Variants in CEP70 observed in about 807,000 individuals in gnomAD.
CEP70 encodes centrosomal protein of 70 kDa.
CEP70 carries 70 observed loss-of-function variants against 90.9 expected under a neutral mutation model. The observed-to-expected ratio is 0.77, with a 90% CI of 0.64 to 0.94. The LOEUF (loss-of-function observed/expected upper bound fraction) is 0.94, where lower values mean the gene tolerates loss of function less well. Among genes scored for constraint, CEP70 ranks in the 40% least tolerant of loss-of-function variants. The pLI is 0.00. For synonymous variants in CEP70, 220 were observed against 228.3 expected (o/e 0.96, Z 0.33); for missense variants, 648 against 669.0 (o/e 0.97, Z 0.35).
At chr3:138,590,620 T>C (rs972701696) in intron 2 of CEP70, among the ~76,000 whole-genome samples, 2 of 150,638 alleles carry the variant, frequency 1.3e-5, no homozygotes, top group African/African-American at 4.9e-5. Flanking sequence ...GCCAACATGG[T>C]GATACCCCGT....
intron 2 of CEP70, among the ~76,000 whole-genome samples, chr3:138,591,105 A>C (rs1002827025): frequency 3.3e-5 from 5 of 152,202 alleles, no homozygotes; most frequent in African/African-American, 1.2e-4. Context: ...GAACGTTCCT[A>C]ATATGAATAT....
Position 138,554,653 on chromosome 3 carries a change from T to C in CEP70, c.465+15665A>G, listed in dbSNP as rs149925550. The stretch of plus-strand genomic sequence containing the variant: ...TACAAAATTAATGTACATAAATCAG[T>C]ATCTCTGCTATACACCAACAGTGAC... On this transcript the variant is annotated intron_variant, in intron 6 of 17. Transcript: ENST00000264982. Among the ~76,000 whole-genome samples the C allele has an allele frequency of 8.4e-3, 1,283 of 152,308 alleles. 11 individuals carry two copies. Among genetic ancestry groups the C allele is most frequent in the Non-Finnish European group, 0.011 (729 of 68,036 alleles).
Position 138,529,466 on chromosome 3 carries a change from T to C in CEP70, c.693-4A>G, listed in dbSNP as rs767872585. 4 of 1,563,410 alleles carry C rather than the reference T, an allele frequency of 2.6e-6. No homozygotes were observed. Among genetic ancestry groups the C allele is most frequent in the East Asian group, 4.5e-5 (2 of 44,528 alleles). ...ACTTTCATCTTCTTTATATTGCCTA[T>C]GAAAATATGTATGCAGTATACTTAT... On this transcript the variant is annotated splice_region_variant and splice_polypyrimidine_tract_variant and intron_variant, in intron 8 of 17. Coordinates refer to ENST00000264982, the MANE Select transcript of CEP70 (RefSeq NM_024491.4).
chr3:138,509,797 T>C (rs2035349413), intron 11 of CEP70, among the ~76,000 whole-genome samples: 1 of 152,188 alleles, frequency 6.6e-6, no homozygotes, highest in South Asian at 2.1e-4. Context: ...AGCTTATCCA[T>C]GCTGTAACTG....
intron 2 of CEP70, among the ~76,000 whole-genome samples, chr3:138,586,917 G>A (rs530405756): frequency 6.3e-4 from 96 of 152,040 alleles, no homozygotes; most frequent in Non-Finnish European, 8.5e-4. Context: ...ATATTATATG[G>A]TGTATCAAAA....
intron 6 of CEP70, among the ~76,000 whole-genome samples, chr3:138,565,711 C>T (rs944294769): frequency 6.6e-6 from 1 of 151,662 alleles, no homozygotes; most frequent in Non-Finnish European, 1.5e-5. Flanking sequence ...AACACTTAAA[C>T]CATAAAATCC....
intron 2 of CEP70, among the ~76,000 whole-genome samples, chr3:138,581,002 A>T (rs2041823191): frequency 6.6e-6 from 1 of 152,070 alleles, no homozygotes; most frequent in African/African-American, 2.4e-5. Context: ...AATAAAAAAC[A>T]GGCCGGGCAT....
intron 2 of CEP70, among the ~76,000 whole-genome samples, chr3:138,580,125 G>A (rs1477351763): frequency 1.3e-5 from 2 of 152,180 alleles, no homozygotes; most frequent in East Asian, 3.9e-4. Context: ...TTCTCTGCCT[G>A]GGGAAAGGGG....
intron 6 of CEP70, among the ~76,000 whole-genome samples, chr3:138,551,644 G>C (rs1326715673): frequency 6.6e-6 from 1 of 151,840 alleles, no homozygotes; most frequent in Non-Finnish European, 1.5e-5. Context: ...TACTCAGGAG[G>C]CTGAGGCAGG....
rs888704342 is a variant in CEP70 at position 138,537,256 on chromosome 3, T to C, written c.557A>G (p.Glu186Gly). ...QMEVCRLKKE[E>G]EDRIVTQNRV... ...GTTTTGAGTGACAATGCGATCTTCT[T>C]CCTCCTTTTTTAATCTACAGACTTC... The change falls in exon 7 of 18, where the codon GAA becomes GGA. Residue 186 changes from glutamate to glycine, a missense_variant. Transcript: ENST00000264982. 1.2e-5 allele frequency: 19 copies of C among 1,608,296 alleles called. No homozygotes were observed. The African/African-American group carries it at 2.5e-4, about 22-fold the overall frequency.
chr3:138,575,296 T>C (rs2041436070), intron 2 of CEP70, among the ~76,000 whole-genome samples: 1 of 152,156 alleles, frequency 6.6e-6, no homozygotes, highest in South Asian at 2.1e-4. Context: ...ACGAGAACTA[T>C]GTGACACATG....
At position 138,500,180 on chromosome 3, in the gene CEP70, GT is replaced by G; in HGVS notation, c.1581del (p.Lys527AsnfsTer5). On this transcript the variant is annotated frameshift_variant, in exon 16 of 18. Coordinates refer to ENST00000264982, the MANE Select transcript of CEP70 (RefSeq NM_024491.4). LOFTEE classifies it high-confidence loss of function. Reference sequence around the variant, plus strand: ...ACATCTTCATTAATCAGCCTACAGAGTTTTCCAACAGTGCTTACTAGCACAC... The same window carrying G: ...ACATCTTCATTAATCAGCCTACAGAGTTTCCAACAGTGCTTACTAGCACAC... ...SLCVLVSTVGKLCRLINEDVN... is the reference protein window; with the variant it reads ...SLCVLVSTVGXLCRLINEDVN... The G allele has an allele frequency of 6.2e-7, 1 of 1,613,810 alleles. No homozygotes were observed. Among genetic ancestry groups the G allele is most frequent in the Non-Finnish European group, 8.5e-7 (1 of 1,179,722 alleles).
chr3:138,524,765 C>T (rs978994089), intron 11 of CEP70, among the ~76,000 whole-genome samples: 1 of 152,122 alleles, frequency 6.6e-6, no homozygotes, highest in Non-Finnish European at 1.5e-5. Context: ...CAGGAAACAA[C>T]AGGTGCTGGA....
intron 6 of CEP70, among the ~76,000 whole-genome samples, chr3:138,556,674 C>T (rs1357520172): frequency 4.6e-5 from 7 of 151,796 alleles, no homozygotes; most frequent in East Asian, 3.9e-4. Context: ...GCTGGGCGTC[C>T]GGGGGAGACA....
rs1285638296 is a variant in CEP70, at chr3:138,591,761, T to A, written c.-6+93A>T. ...GGATTATCAGGAAGTCAAAAGGAAA[T>A]ATATGTAATGAACCTAGTATAGTAC... On this transcript the variant is annotated intron_variant, in intron 2 of 17. Transcript: ENST00000264982. 4 of 1,019,602 alleles carry A rather than the reference T, an allele frequency of 3.9e-6. No homozygotes were observed. In the African/African-American group the frequency reaches 4.8e-5, roughly 12 times the overall value. 63.2% of individuals were successfully genotyped at this position (1,019,602 alleles called of 1,614,324 possible). A position where few individuals can be genotyped will look rare whatever the true frequency, so the allele number is the denominator to read the frequency against.
chr3:138,525,305 C>T lies in CEP70; in HGVS notation c.944+185G>A, dbSNP rs6793787. On this transcript the variant is annotated intron_variant, in intron 11 of 17. Transcript: ENST00000264982. ...GGGAGGGATAGCATTAGGAGATATACCTAATGTTAAATGACGAGTTACTGG... is the reference window on the plus strand; with the variant it reads ...GGGAGGGATAGCATTAGGAGATATATCTAATGTTAAATGACGAGTTACTGG... Among the ~76,000 whole-genome samples the T allele has an allele frequency of 4.7e-3, 721 of 151,978 alleles. 4 individuals are homozygous for T. Among genetic ancestry groups the T allele is most frequent in the African/African-American group, 0.017 (695 of 41,432 alleles).
intron 11 of CEP70, among the ~76,000 whole-genome samples, chr3:138,521,915 G>C (rs548285700): frequency 1.3e-5 from 2 of 152,320 alleles, no homozygotes; most frequent in South Asian, 4.1e-4. Flanking sequence ...GTAGACATAG[G>C]AGACTCCATT....
intron 6 of CEP70, among the ~76,000 whole-genome samples, chr3:138,550,636 T>TA (rs1321907277): frequency 1.3e-5 from 2 of 152,130 alleles, no homozygotes; most frequent in East Asian, 3.9e-4. Context: ...GTGCTGGGAT[T>TA]ACAGGCATGA....
At chr3:138,581,869 A>T (rs2041878493) in intron 2 of CEP70, among the ~76,000 whole-genome samples, 2 of 152,012 alleles carry the variant, frequency 1.3e-5, no homozygotes, top group African/African-American at 4.8e-5. Flanking sequence ...GGCATTAATA[A>T]GCTCCCAAGG....
Sources: allele counts gnomAD v4.1 joint callset (sites outside exome capture counted in the v4.1 genomes callset), GRCh38; gene constraint gnomAD v4.1.1; transcripts MANE v1.5; gene names NCBI Gene and HGNC (gene_info 2026-07-23, HGNC 2026-07-21).